COX4I1: variants seen among roughly 807,000 people sequenced by gnomAD.
COX4I1 encodes the protein cytochrome c oxidase subunit 4 isoform 1, mitochondrial.
A neutral mutation model predicts 21.7 loss-of-function variants in COX4I1; 18 were observed. The ratio of observed to expected loss-of-function variants is 0.83; its 90% confidence interval spans 0.57 to 1.23. The LOEUF (loss-of-function observed/expected upper bound fraction) is 1.23, where lower values mean the gene tolerates loss of function less well. Among genes scored for constraint, COX4I1 ranks in the 50% most tolerant of loss-of-function variants. The probability of loss-of-function intolerance (pLI) is 0.00; values close to 1 mark genes in which losing one functional copy is unlikely to be tolerated. For missense variants in COX4I1, 238 were observed against 220.7 expected (o/e 1.08, Z -0.50); for synonymous variants, 100 against 81.5 (o/e 1.23, Z -1.23).
In COX4I1 at chr16:85,807,005, C is replaced by T; in HGVS notation, c.*131C>T. 2.1e-6 allele frequency: 2 copies of T among 939,000 alleles called. No individual in the cohort carries two copies. Among genetic ancestry groups the T allele is most frequent in the Non-Finnish European group, 3.2e-6 (2 of 632,948 alleles). The allele number at this position is 939,000 out of a possible 1,614,324, so 58.2% of individuals were successfully genotyped here. A position where few individuals can be genotyped will look rare whatever the true frequency, so the allele number is the denominator to read the frequency against. ...ATAAATGACCAGTTTACCTGAAACC[C>T]TTTGTGATCAGTTCTTTAATGATAC... On this transcript the variant is annotated 3_prime_UTR_variant, in exon 5 of 5. Coordinates refer to ENST00000253452, the MANE Select transcript of COX4I1 (RefSeq NM_001861.6).
At chr16:85,806,493 T>G in intron 4 of COX4I1, 1 of 708,880 alleles carries the variant, frequency 1.4e-6, no homozygotes, top group Non-Finnish European at 2.6e-6. Context: ...CTGTTATCCA[T>G]AGCCTTTAGA....
Position 85,805,067 on chromosome 16 carries a change from C to G in COX4I1, c.204C>G (p.Ala68=), listed in dbSNP as rs1906078413. 6.2e-7 allele frequency: 1 copy of G among 1,613,748 alleles called. No homozygotes were observed. Among genetic ancestry groups the G allele is most frequent in the African/African-American group, 1.3e-5 (1 of 74,918 alleles). ...AGGCATTGAAGGAGAAGGAGAAGGC[C>G]TCCTGGAGCAGCCTCTCCATGGATG... is the stretch of plus-strand genomic sequence containing the variant. ...SQKALKEKEK[A]SWSSLSMDEK... Residue 68 remains alanine, a synonymous_variant, in exon 3 of 5, where the codon GCC becomes GCG. Transcript: ENST00000253452.
chr16:85,804,403 C>G (rs999986923), intron 2 of COX4I1: 4 of 152,464 alleles, frequency 2.6e-5, no homozygotes, highest in Non-Finnish European at 5.9e-5. Context: ...TGTCACCAGG[C>G]TGGAGTGCAG....
At chr16:85,806,458 C>T in intron 4 of COX4I1, 1 of 703,566 alleles carries the variant, frequency 1.4e-6, no homozygotes, top group South Asian at 1.5e-5. Context: ...TCTTCCAGGT[C>T]ACCTTGGGCT....
intron 2 of COX4I1, chr16:85,804,104 A>G (rs1905978294): frequency 6.6e-6 from 1 of 152,266 alleles, no homozygotes; most frequent in African/African-American, 2.4e-5. Context: ...GAATGGCTCC[A>G]TGATCCTCGT....
intron 4 of COX4I1, 92 bp from the exon 5 acceptor site, chr16:85,806,646 T>C: frequency 6.2e-7 from 1 of 1,604,728 alleles, no homozygotes. Flanking sequence ...ACCTGGTGGC[T>C]GGTGTGTCGG....
At chr16:85,801,154 C>T (rs1283751366) in intron 1 of COX4I1, 51 bp from the exon 2 acceptor site, 5 of 1,477,942 alleles carry the variant, frequency 3.4e-6, no homozygotes, top group African/African-American at 2.8e-5. Flanking sequence ...AAGACTAATT[C>T]CTTGCTGTTT....
At chr16:85,806,683 G>T in intron 4 of COX4I1, 55 bp from the exon 5 acceptor site, 1 of 1,613,792 alleles carries the variant, frequency 6.2e-7, no homozygotes, top group Non-Finnish European at 8.5e-7. Context: ...TGAGGGATTG[G>T]CCTAGAAACA....
In COX4I1 at chr16:85,801,922, C is replaced by T. The variant is rs1056558993; in HGVS notation, c.73+644C>T. ...AGGCTGTTTGCAATCTGAAGAGGGA[C>T]GGATGGGTGAAGACAGTGTTTTATT... On this transcript the variant is annotated intron_variant, in intron 2 of 4. Transcript: ENST00000253452. Among the ~76,000 whole-genome samples, 5 of 151,854 alleles carry T rather than the reference C, an allele frequency of 3.3e-5. No individual in the cohort carries two copies. The East Asian group carries it at 5.8e-4, about 18-fold the overall frequency.
chr16:85,805,823 T>A lies in COX4I1; in HGVS notation c.332T>A (p.Ile111Asn). The A allele has an allele frequency of 6.2e-7, 1 of 1,614,244 alleles. No individual in the cohort carries two copies. The change falls in exon 4 of 5, where the codon ATC (isoleucine) becomes AAC (asparagine). Residue 111 changes from isoleucine to asparagine, a missense_variant. Coordinates refer to ENST00000253452, the MANE Select transcript of COX4I1 (RefSeq NM_001861.6). ...KTVVGGAMFF[I>N]GFTALVIMWQ... ...GTTGTGGGCGGTGCCATGTTCTTCATCGGTTTCACCGCGCTCGTTATCATG... is the reference window on the plus strand; with the variant it reads ...GTTGTGGGCGGTGCCATGTTCTTCAACGGTTTCACCGCGCTCGTTATCATG...
At chr16:85,801,757 G>C (rs1905783192) in intron 2 of COX4I1, among the ~76,000 whole-genome samples, 1 of 152,152 alleles carries the variant, frequency 6.6e-6, no homozygotes, top group African/African-American at 2.4e-5. Flanking sequence ...TTGCTCACCT[G>C]AAGTATATGG....
chr16:85,800,111 C>A (rs1905573366), intron 1 of COX4I1, among the ~76,000 whole-genome samples: 1 of 152,124 alleles, frequency 6.6e-6, no homozygotes, highest in South Asian at 2.1e-4. Context: ...CCCTGTGCAA[C>A]CCCTCCCGGG....
chr16:85,800,909 C>A (rs1036477991), intron 1 of COX4I1, among the ~76,000 whole-genome samples: 2 of 152,194 alleles, frequency 1.3e-5, no homozygotes, highest in East Asian at 3.9e-4. Context: ...CCGGCGTGAG[C>A]CACCGCGCCC....
intron 4 of COX4I1, chr16:85,806,112 T>C (rs1012202472): frequency 6.7e-6 from 4 of 594,934 alleles, no homozygotes; most frequent in Middle Eastern, 4.5e-4. Context: ...TTAACTACTT[T>C]GTACAGCACA....
chr16:85,806,534 GCTAA>G (rs1347573729), intron 4 of COX4I1, 200 bp from the exon 5 acceptor site: 1 of 762,524 alleles, frequency 1.3e-6, no homozygotes, highest in South Asian at 1.5e-5. Flanking sequence ...TTATTTTGTT[GCTAA>G]CTTTTTACAA....
In COX4I1 at chr16:85,807,031, C is replaced by G. The variant is rs1482528809; in HGVS notation, c.*157C>G. The G allele has an allele frequency of 2.8e-6, 2 of 724,720 alleles. No homozygotes were observed. Among genetic ancestry groups the G allele is most frequent in the East Asian group, 2.8e-5 (1 of 36,162 alleles). The allele number at this position is 724,720 out of a possible 1,614,324, so 44.9% of individuals were successfully genotyped here. On this transcript the variant is annotated 3_prime_UTR_variant, in exon 5 of 5. Coordinates refer to ENST00000253452, the MANE Select transcript of COX4I1 (RefSeq NM_001861.6). ...TTTGTGATCAGTTCTTTAATGATAC[C>G]TAAATGAAAGCTAATTAAAACAATA...
intron 4 of COX4I1, 110 bp downstream of exon 4, chr16:85,805,974 T>C: frequency 6.9e-7 from 1 of 1,440,266 alleles, no homozygotes; most frequent in Non-Finnish European, 9.5e-7. Context: ...AGATAGGGAC[T>C]GCATTCCAGA....
chr16:85,802,569 A>T (rs1451056092), intron 2 of COX4I1, among the ~76,000 whole-genome samples: 2 of 152,208 alleles, frequency 1.3e-5, no homozygotes, highest in Admixed American at 6.5e-5. Context: ...ATATTAAAGC[A>T]GTCTGGAATA....
At chr16:85,802,943 T>C (rs941513338) in intron 2 of COX4I1, 6 of 152,220 alleles carry the variant, frequency 3.9e-5, no homozygotes, top group African/African-American at 7.2e-5. Flanking sequence ...CTCCCTGTCA[T>C]GGCATTTACA....
Sources: allele counts gnomAD v4.1 joint callset (sites outside exome capture counted in the v4.1 genomes callset), GRCh38; gene constraint gnomAD v4.1.1; transcripts MANE v1.5; gene names NCBI Gene and HGNC (gene_info 2026-07-23, HGNC 2026-07-21).